PTPRJ: variants seen among roughly 807,000 people sequenced by gnomAD.
The protein encoded by PTPRJ is receptor-type tyrosine-protein phosphatase eta.
PTPRJ carries 129 observed loss-of-function variants against 141.3 expected under a neutral mutation model. The observed-to-expected ratio is 0.91, with a 90% CI of 0.79 to 1.06. PTPRJ has a LOEUF of 1.06. Ranked by LOEUF, PTPRJ falls within the 50% of genes least tolerant of loss-of-function variation. PTPRJ has a pLI of 0.00. For synonymous variants in PTPRJ, 610 were observed against 640.5 expected (o/e 0.95, Z 0.72); for missense variants, 1,601 against 1,679.7 (o/e 0.95, Z 0.82).
At chr11:48,021,860 A>G (rs1374420114) in intron 1 of PTPRJ, among the ~76,000 whole-genome samples, 3 of 151,960 alleles carry the variant, frequency 2.0e-5, no homozygotes, top group Non-Finnish European at 4.4e-5. Flanking sequence ...TCATTATTTC[A>G]CTTGTCAGAT....
At chr11:48,120,063 C>T (rs571396918) in intron 3 of PTPRJ, among the ~76,000 whole-genome samples, 1 of 152,302 alleles carries the variant, frequency 6.6e-6, no homozygotes, top group African/African-American at 2.4e-5. Context: ...GAATTGGACC[C>T]TGAAACCAGA....
intron 1 of PTPRJ, among the ~76,000 whole-genome samples, chr11:48,079,013 A>G (rs1855490815): frequency 6.6e-6 from 1 of 152,052 alleles, no homozygotes; most frequent in African/African-American, 2.4e-5. Context: ...TGAGTGTATG[A>G]CTGGAAATGC....
Position 48,123,816 on chromosome 11 carries a change from C to G in PTPRJ, c.820C>G (p.Leu274Val). 6.2e-7 allele frequency: 1 copy of G among 1,614,112 alleles called. No homozygotes were observed. The highest frequency in any genetic ancestry group is 8.5e-7 in the Non-Finnish European group (1 of 1,179,982). ...GGTTCAATACAACATCAACCCGTAT[C>G]TTCTACAATCAAATAAGACAAAGGG... ...PGVQYNINPY[L>V]LQSNKTKGDP... Residue 274 changes from leucine to valine, a missense_variant, in exon 5 of 25, where the codon CTT becomes GTT. By Grantham distance (32) the Leu-to-Val change is conservative. Coordinates refer to ENST00000418331, the MANE Select transcript of PTPRJ (RefSeq NM_002843.4).
At chr11:48,047,498 A>ATT (rs58387057) in intron 1 of PTPRJ, among the ~76,000 whole-genome samples, 2,377 of 146,666 alleles carry the variant, frequency 0.016, 62 homozygotes, top group African/African-American at 0.057. Flanking sequence ...ACCTATGGTA[A>ATT]TTTTTTTTTT....
intron 1 of PTPRJ, among the ~76,000 whole-genome samples, chr11:48,004,776 T>C (rs1446718826): frequency 1.3e-5 from 2 of 152,184 alleles, no homozygotes; most frequent in Non-Finnish European, 1.5e-5. Context: ...ATTTAGATTC[T>C]ATCTTGTAGA....
chr11:47,981,170 C>T (rs1337073345), intron 1 of PTPRJ, among the ~76,000 whole-genome samples, 162 bp downstream of exon 1: 1 of 152,040 alleles, frequency 6.6e-6, no homozygotes, highest in African/African-American at 2.4e-5. Context: ...CGGCCGGCCT[C>T]GCACGCCGGC....
At chr11:48,057,595 C>T (rs1380915534) in intron 1 of PTPRJ, among the ~76,000 whole-genome samples, 4 of 152,042 alleles carry the variant, frequency 2.6e-5, no homozygotes, top group African/African-American at 7.2e-5. Flanking sequence ...CGGTAGCCCC[C>T]ATAATACTTC....
chr11:47,995,702 G>A (rs976773951), intron 1 of PTPRJ, among the ~76,000 whole-genome samples: 3 of 152,150 alleles, frequency 2.0e-5, no homozygotes, highest in Non-Finnish European at 4.4e-5. Flanking sequence ...CATAGAGATC[G>A]AAGTCATGTG....
rs144130030 is a variant in PTPRJ at position 48,087,208 on chromosome 11, A to G, written c.97-22850A>G. Reference sequence around the variant, plus strand: ...ATGCATGTGGCAGTGGTTCCCAAACACTGGTGTGCAGATGGAACACAGCCC... The same window carrying G: ...ATGCATGTGGCAGTGGTTCCCAAACGCTGGTGTGCAGATGGAACACAGCCC... On this transcript the variant is annotated intron_variant, in intron 1 of 24. Transcript: ENST00000418331. Among the ~76,000 whole-genome samples, 355 of 152,364 alleles carry G rather than the reference A, an allele frequency of 2.3e-3. 1 individual carries two copies. The highest frequency in any genetic ancestry group is 8.1e-3 in the African/African-American group (335 of 41,590).
Position 48,121,171 on chromosome 11 carries a change from C to G in PTPRJ, c.521C>G (p.Thr174Arg). 1 of 1,614,134 alleles carries G rather than the reference C, an allele frequency of 6.2e-7. No homozygotes were observed. Among genetic ancestry groups the G allele is most frequent in the East Asian group, 2.2e-5 (1 of 44,884 alleles). ...TVVHQPWCNI[T>R]GLRPATSYVF... ...GTGCATCAACCATGGTGTAACATCA[C>G]AGGCTTACGTCCAGCGACTTCATAT... The change falls in exon 4 of 25, where the codon ACA (threonine) becomes AGA (arginine). Residue 174 changes from threonine to arginine, a missense_variant. Thr to Arg is a moderately conservative substitution (Grantham distance 71). Transcript: ENST00000418331.
At chr11:48,065,431 C>T (rs542224331) in intron 1 of PTPRJ, among the ~76,000 whole-genome samples, 6 of 152,270 alleles carry the variant, frequency 3.9e-5, no homozygotes, top group Non-Finnish European at 7.4e-5. Context: ...TGTCTTCATT[C>T]CCCCACCTGG....
intron 3 of PTPRJ, among the ~76,000 whole-genome samples, chr11:48,113,353 T>G (rs951067290): frequency 1.2e-4 from 18 of 152,262 alleles, no homozygotes; most frequent in African/African-American, 4.1e-4. Flanking sequence ...AGTATATACA[T>G]TTCTACAGGA....
rs1856801826 is a variant in PTPRJ at position 48,125,027 on chromosome 11, T to C, written c.934T>C (p.Ser312Pro). 1 of 1,613,744 alleles carries C rather than the reference T, an allele frequency of 6.2e-7. No homozygotes were observed. The highest frequency in any genetic ancestry group is 1.7e-5 in the Admixed American group (1 of 59,962). Reference sequence around the variant, plus strand: ...CCCCACCGCCCCTGTGCATGATGAGTCCCTCGTGGGACCTGTGGACCCATC... The same window carrying C: ...CCCCACCGCCCCTGTGCATGATGAGCCCCTCGTGGGACCTGTGGACCCATC... ...GSPTAPVHDE[S>P]LVGPVDPSSG... Residue 312 changes from serine (S) to proline (P), a missense_variant, in exon 6 of 25, where the codon TCC becomes CCC. By Grantham distance (74) the Ser-to-Pro change is moderately conservative. Coordinates refer to ENST00000418331, the MANE Select transcript of PTPRJ (RefSeq NM_002843.4).
At chr11:48,025,197 C>T (rs1009374925) in intron 1 of PTPRJ, among the ~76,000 whole-genome samples, 1 of 152,086 alleles carries the variant, frequency 6.6e-6, no homozygotes, top group Admixed American at 6.5e-5. Flanking sequence ...TTTCGGGCAG[C>T]CTGGTGAAAT....
intron 7 of PTPRJ, among the ~76,000 whole-genome samples, chr11:48,129,394 G>A (rs962632189): frequency 6.6e-5 from 10 of 152,246 alleles, no homozygotes; most frequent in African/African-American, 2.2e-4. Flanking sequence ...CTTAGTCTGC[G>A]TGTGCCTATG....
rs913504675 is a variant in PTPRJ at position 48,078,647 on chromosome 11, A to T, written c.97-31411A>T. Among the ~76,000 whole-genome samples, 13 of 152,176 alleles carry T rather than the reference A, an allele frequency of 8.5e-5. No homozygotes were observed. In the East Asian group the frequency reaches 2.3e-3, roughly 27 times the overall value. On this transcript the variant is annotated intron_variant, in intron 1 of 24. Transcript: ENST00000418331. The stretch of plus-strand genomic sequence containing the variant: ...GAGGTGGCAGGGGTGTAGACCAGGG[A>T]TCACAAAGCAATGGCTTGCCATCTG...
Position 48,139,622 on chromosome 11 carries a change from C to T in PTPRJ, c.2289C>T (p.Thr763=). ...EVSSGAWNNA[T]HLESCSSENG... is the part of the protein sequence containing the mutation. ...GCAGTGGAGCCTGGAACAATGCGACCCACCTGGAGAGCTGCTCCTCTGAGA... is the reference window on the plus strand; with the variant it reads ...GCAGTGGAGCCTGGAACAATGCGACTCACCTGGAGAGCTGCTCCTCTGAGA... The change falls in exon 11 of 25, where the codon ACC becomes ACT. Residue 763 remains threonine (T), a synonymous_variant. Coordinates refer to ENST00000418331, the MANE Select transcript of PTPRJ (RefSeq NM_002843.4). The T allele has an allele frequency of 3.1e-6, 5 of 1,614,224 alleles. No homozygotes were observed. Among genetic ancestry groups the T allele is most frequent in the Non-Finnish European group, 4.2e-6 (5 of 1,180,034 alleles).
At chr11:48,018,894 G>A (rs1855024151) in intron 1 of PTPRJ, among the ~76,000 whole-genome samples, 1 of 152,224 alleles carries the variant, frequency 6.6e-6, no homozygotes, top group Admixed American at 6.5e-5. Context: ...GGAGGATAGA[G>A]CAGAGGCCCT....
rs190587428 is a variant in PTPRJ at position 48,108,798 on chromosome 11, T to C, written c.97-1260T>C. ...GCCTGAGGCGCGAAGGAGTTGATGG[T>C]AGGGTGGAAGGTGGGAATGGGAAGT... On this transcript the variant is annotated intron_variant, in intron 1 of 24. Transcript: ENST00000418331. Among the ~76,000 whole-genome samples the C allele has an allele frequency of 2.8e-3, 433 of 152,016 alleles. 2 individuals are homozygous for C. The highest frequency in any genetic ancestry group is 3.9e-3 in the Non-Finnish European group (264 of 67,944).
Sources: gnomAD v4.1 joint callset for allele counts (sites outside exome capture counted in the v4.1 genomes callset) on GRCh38, gnomAD v4.1.1 for gene constraint, MANE v1.5 for transcripts, NCBI Gene and HGNC (gene_info 2026-07-23, HGNC 2026-07-21) for gene names.